The following ARRB1 variants were observed in gnomAD, a reference collection of about 807,000 sequenced individuals.
ARRB1 encodes beta-arrestin-1.
Under a neutral mutation model 56.8 loss-of-function variants are expected in ARRB1, and 21 were observed. The ratio of observed to expected loss-of-function variants is 0.37; its 90% CI spans 0.26 to 0.53. The LOEUF is 0.53. Among genes scored for constraint, ARRB1 ranks in the 20% least tolerant of loss-of-function variants. The probability of loss-of-function intolerance (pLI) is 0.88; values close to 1 mark genes in which losing one functional copy is unlikely to be tolerated. For missense variants in ARRB1, 424 were observed against 553.7 expected (o/e 0.77, Z 2.35); for synonymous variants, 210 against 218.6 (o/e 0.96, Z 0.35).
Position 75,277,529 on chromosome 11 carries a change from C to T in ARRB1, c.619-81G>A, listed in dbSNP as rs1036031433. ...AAGGGGAGGGAGAAAAGCCCCCACG[C>T]GATCTTCTGGGGTTCCCCAGACCTT... On this transcript the variant is annotated intron_variant, in intron 8 of 15. Coordinates refer to ENST00000420843, the MANE Select transcript of ARRB1 (RefSeq NM_004041.5). 6.7e-5 allele frequency: 88 copies of T among 1,314,276 alleles called. No homozygotes were observed. In the Middle Eastern group the frequency reaches 7.7e-4, roughly 12 times the overall value. The allele number at this position is 1,314,276 out of a possible 1,614,324, so 81.4% of individuals were successfully genotyped here.
intron 1 of ARRB1, among the ~76,000 whole-genome samples, chr11:75,290,980 G>A (rs981608040): frequency 2.0e-5 from 3 of 152,114 alleles, no homozygotes; most frequent in Non-Finnish European, 2.9e-5. Context: ...GTCACTCCAC[G>A]AGGGCAGGGA....
At chr11:75,309,507 G>A (rs1194005944) in intron 1 of ARRB1, among the ~76,000 whole-genome samples, 1 of 152,224 alleles carries the variant, frequency 6.6e-6, no homozygotes, top group Admixed American at 6.5e-5. Context: ...GCACAGAGTT[G>A]GAGCTCTGTG....
intron 1 of ARRB1, among the ~76,000 whole-genome samples, chr11:75,322,928 G>C (rs1212001648): frequency 1.3e-5 from 2 of 152,204 alleles, no homozygotes; most frequent in Admixed American, 1.3e-4. Context: ...CTGGGTTGTT[G>C]TGAGGATTAA....
intron 1 of ARRB1, among the ~76,000 whole-genome samples, chr11:75,340,632 G>T (rs945284588): frequency 6.6e-6 from 1 of 152,206 alleles, no homozygotes; most frequent in Non-Finnish European, 1.5e-5. Context: ...TGCTTTCCAA[G>T]TGCCTGAGCT....
At chr11:75,321,003 T>C (rs1332910369) in intron 1 of ARRB1, among the ~76,000 whole-genome samples, 2 of 152,084 alleles carry the variant, frequency 1.3e-5, no homozygotes, top group East Asian at 3.9e-4. Context: ...ACAACACACG[T>C]GCACAGACAC....
chr11:75,343,805 C>T (rs1332960855), intron 1 of ARRB1, among the ~76,000 whole-genome samples: 1 of 151,944 alleles, frequency 6.6e-6, no homozygotes, highest in African/African-American at 2.4e-5. Flanking sequence ...GTGTTCCTGA[C>T]CTGAGTATTT....
Position 75,266,065 on chromosome 11 carries a change from G to A in ARRB1, c.*98C>T, listed in dbSNP as rs866905232. ...CGGGGCCCCCTGGTAGAAACTGGAA[G>A]AACAAAGGGGAAAAGAAACCAGAAC... On this transcript the variant is annotated 3_prime_UTR_variant, in exon 16 of 16. Transcript: ENST00000420843. 3 of 1,110,522 alleles carry A rather than the reference G, an allele frequency of 2.7e-6. No individual in the cohort carries two copies. The highest frequency in any genetic ancestry group is 4.0e-6 in the Non-Finnish European group (3 of 743,402). The allele number at this position is 1,110,522 out of a possible 1,614,324, so 68.8% of individuals were successfully genotyped here.
chr11:75,308,165 A>G (rs1288381148), intron 1 of ARRB1, among the ~76,000 whole-genome samples: 5 of 152,224 alleles, frequency 3.3e-5, no homozygotes, highest in African/African-American at 1.2e-4. Flanking sequence ...CGGCAGCTCC[A>G]GGGAACTGCT....
intron 2 of ARRB1, 131 bp downstream of exon 2, chr11:75,289,878 C>G: frequency 1.5e-6 from 2 of 1,312,462 alleles, no homozygotes; most frequent in Non-Finnish European, 2.2e-6. Context: ...ACCCCTAAGA[C>G]GGGGAGCAGC....
intron 4 of ARRB1, 143 bp downstream of exon 4, chr11:75,284,092 T>C: frequency 1.3e-6 from 1 of 798,844 alleles, no homozygotes; most frequent in Non-Finnish European, 1.9e-6. Context: ...CGTCCCAGGC[T>C]GGAGGAGGCA....
chr11:75,326,987 A>G lies in ARRB1; in HGVS notation c.20+24601T>C, dbSNP rs955497988. On this transcript the variant is annotated intron_variant, in intron 1 of 15. Coordinates refer to ENST00000420843, the MANE Select transcript of ARRB1 (RefSeq NM_004041.5). Reference sequence around the variant, plus strand: ...CTCACAAAATGCTGGGATTACAGGCATGAGCCACCATGCCCAGACTCTTGT... The same window carrying G: ...CTCACAAAATGCTGGGATTACAGGCGTGAGCCACCATGCCCAGACTCTTGT... Among the ~76,000 whole-genome samples, 3 of 149,536 alleles carry G rather than the reference A, an allele frequency of 2.0e-5. No individual in the cohort carries two copies. The East Asian group carries it at 6.2e-4, about 31-fold the overall frequency.
intron 1 of ARRB1, among the ~76,000 whole-genome samples, chr11:75,337,786 CTTTTTTTTTTTTTTTTT>C (rs71036046): frequency 1.6e-4 from 6 of 38,490 alleles, no homozygotes; most frequent in East Asian, 9.9e-4. Flanking sequence ...ATTGAAATGT[CTTTTTTTTTTTTTTTTT>C]TTTTTTTTTT....
chr11:75,306,574 C>G (rs1182204860), intron 1 of ARRB1: 5 of 1,285,598 alleles, frequency 3.9e-6, no homozygotes, highest in Non-Finnish European at 5.1e-6. Flanking sequence ...GATGAGAGCC[C>G]AAAGATTCAG....
chr11:75,327,174 T>C (rs1222260548), intron 1 of ARRB1, among the ~76,000 whole-genome samples: 2 of 150,432 alleles, frequency 1.3e-5, no homozygotes, highest in Non-Finnish European at 3.0e-5. Flanking sequence ...CAGTGGCGGG[T>C]GCCTGTAGTC....
intron 1 of ARRB1, among the ~76,000 whole-genome samples, chr11:75,342,778 A>C (rs985071745): frequency 1.3e-5 from 2 of 152,218 alleles, no homozygotes; most frequent in African/African-American, 4.8e-5. Context: ...GGATTGGACC[A>C]AGTAGACAGA....
intron 1 of ARRB1, among the ~76,000 whole-genome samples, chr11:75,331,434 G>A (rs1947517491): frequency 1.3e-5 from 2 of 152,084 alleles, no homozygotes; most frequent in Admixed American, 6.6e-5. Flanking sequence ...CACAGCCCCC[G>A]TGACCTGCAC....
intron 1 of ARRB1, among the ~76,000 whole-genome samples, chr11:75,297,488 T>C (rs937244864): frequency 2.6e-5 from 4 of 152,102 alleles, no homozygotes; most frequent in African/African-American, 9.7e-5. Flanking sequence ...GAACATTGTT[T>C]TCAACAAATG....
At chr11:75,304,903 G>GA (rs895743785) in intron 1 of ARRB1, among the ~76,000 whole-genome samples, 20 of 138,618 alleles carry the variant, frequency 1.4e-4, no homozygotes, top group Middle Eastern at 3.8e-3. Context: ...AAAGAGAGAG[G>GA]AAAAAAAAAA....
intron 1 of ARRB1, among the ~76,000 whole-genome samples, chr11:75,295,240 A>AC (rs1946708254): frequency 6.6e-6 from 1 of 151,256 alleles, no homozygotes; most frequent in Non-Finnish European, 1.5e-5. Context: ...AAAAAAAAAA[A>AC]AAAAAACACA....
Sources: gnomAD v4.1 joint callset for allele counts (sites outside exome capture counted in the v4.1 genomes callset) on GRCh38, gnomAD v4.1.1 for gene constraint, MANE v1.5 for transcripts, NCBI Gene and HGNC (gene_info 2026-07-23, HGNC 2026-07-21) for gene names.